The following PARN variants were observed in gnomAD, a reference collection of about 807,000 sequenced individuals.
The protein encoded by PARN is poly(A)-specific ribonuclease, also known as poly(A)-specific ribonuclease PARN.
In PARN, 71 loss-of-function variants were observed where a neutral mutation model predicts 102.8. That is an observed-to-expected ratio of 0.69 (90% confidence interval 0.57 to 0.84). The LOEUF (loss-of-function observed/expected upper bound fraction) is 0.84. Among genes scored for constraint, PARN ranks in the 40% least tolerant of loss-of-function variants. The pLI is 0.00. For synonymous variants in PARN, 261 were observed against 252.9 expected, an observed-to-expected ratio of 1.03 and a Z score of -0.30; for missense variants, 782 against 760.9, an observed-to-expected ratio of 1.03 and a Z score of -0.33.
intron 22 of PARN, among the ~76,000 whole-genome samples, chr16:14,477,941 A>C (rs1158148279): frequency 1.3e-5 from 2 of 152,340 alleles, no homozygotes; most frequent in Middle Eastern, 3.4e-3. Context: ...TTAAAAGGAT[A>C]ATACTTCATA....
intron 5 of PARN, among the ~76,000 whole-genome samples, chr16:14,625,606 G>C (rs1972598175): frequency 1.3e-5 from 2 of 152,168 alleles, no homozygotes; most frequent in East Asian, 3.8e-4. Context: ...ATGTCAACTG[G>C]TTTACTTGCT....
intron 5 of PARN, among the ~76,000 whole-genome samples, chr16:14,622,064 G>C (rs936635059): frequency 6.6e-6 from 1 of 151,920 alleles, no homozygotes; most frequent in East Asian, 1.9e-4. Flanking sequence ...ATGGTGGCAC[G>C]CATCTGTAGA....
In PARN at chr16:14,447,098, G is replaced by T; in HGVS notation, c.1671-17C>A. On this transcript the variant is annotated splice_polypyrimidine_tract_variant and intron_variant, in intron 22 of 23. Coordinates refer to ENST00000437198, the MANE Select transcript of PARN (RefSeq NM_002582.4). ...GCTGTAAAACTGAAATGCAAAAAGT[G>T]GAACAACATAAAAGGTGCTGAGAGT... is the stretch of plus-strand genomic sequence containing the variant. The T allele has an allele frequency of 6.3e-7, 1 of 1,591,612 alleles. No homozygotes were observed. The highest frequency in any genetic ancestry group is 8.6e-7 in the Non-Finnish European group (1 of 1,162,646).
chr16:14,481,604 C>G (rs1963384980), intron 22 of PARN, among the ~76,000 whole-genome samples: 3 of 152,098 alleles, frequency 2.0e-5, no homozygotes, highest in African/African-American at 4.8e-5. Flanking sequence ...CATTTATGAT[C>G]TCTGCATTTT....
intron 18 of PARN, among the ~76,000 whole-genome samples, chr16:14,566,630 C>T (rs1429622956): frequency 6.6e-6 from 1 of 152,200 alleles, no homozygotes; most frequent in Non-Finnish European, 1.5e-5. Context: ...ATCCAATACC[C>T]TACTACAGAG....
At chr16:14,583,535 T>C (rs139957947) in intron 16 of PARN, among the ~76,000 whole-genome samples, 4 of 152,240 alleles carry the variant, frequency 2.6e-5, no homozygotes, top group South Asian at 2.1e-4. Flanking sequence ...ATTTCCATTA[T>C]ATTGTTATAG....
intron 21 of PARN, among the ~76,000 whole-genome samples, chr16:14,546,627 T>G (rs1449856474): frequency 6.6e-6 from 1 of 152,172 alleles, no homozygotes; most frequent in Non-Finnish European, 1.5e-5. Context: ...AAAATTATAT[T>G]CAGAGACACA....
At chr16:14,496,876 T>C (rs1720247170) in intron 21 of PARN, among the ~76,000 whole-genome samples, 1 of 152,202 alleles carries the variant, frequency 6.6e-6, no homozygotes, top group South Asian at 2.1e-4. Context: ...ATTAATCTAT[T>C]TTCTTCCATC....
chr16:14,622,675 T>G (rs1972388621), intron 5 of PARN, among the ~76,000 whole-genome samples: 1 of 152,192 alleles, frequency 6.6e-6, no homozygotes, highest in South Asian at 2.1e-4. Flanking sequence ...TGGCTAATTT[T>G]TTTTGTATTT....
intron 18 of PARN, among the ~76,000 whole-genome samples, chr16:14,577,895 T>C (rs1401011638): frequency 6.7e-6 from 1 of 148,600 alleles, no homozygotes; most frequent in Non-Finnish European, 1.5e-5. Context: ...CTTGAACTCC[T>C]GACCTCAGGT....
intron 21 of PARN, among the ~76,000 whole-genome samples, chr16:14,536,003 G>A (rs989881899): frequency 1.3e-5 from 2 of 151,980 alleles, no homozygotes; most frequent in African/African-American, 2.4e-5. Context: ...AAATAAAAAA[G>A]CATATAATGC....
chr16:14,582,322 A>T, intron 16 of PARN, 31 bp from the exon 17 acceptor site: 1 of 1,431,322 alleles, frequency 7.0e-7, no homozygotes, highest in Non-Finnish European at 9.9e-7. Flanking sequence ...GTTTTCCTCA[A>T]AACAAAGACT....
At position 14,607,017 on chromosome 16, in the gene PARN, G is replaced by A. The variant is rs572977508; in HGVS notation, c.660-491C>T. On this transcript the variant is annotated intron_variant, in intron 9 of 23. Coordinates refer to ENST00000437198, the MANE Select transcript of PARN (RefSeq NM_002582.4). The stretch of plus-strand genomic sequence containing the variant: ...AGGATGGTCTCGATGTCCTGACCTC[G>A]TGATCCTCCCGCCTGGGCCTCCCAA... Among the ~76,000 whole-genome samples, 7 of 151,960 alleles carry A rather than the reference G, an allele frequency of 4.6e-5. No individual in the cohort carries two copies. In the South Asian group the frequency reaches 6.2e-4, roughly 14 times the overall value.
intron 17 of PARN, among the ~76,000 whole-genome samples, chr16:14,581,590 G>A (rs1969537022): frequency 6.6e-6 from 1 of 152,098 alleles, no homozygotes; most frequent in Non-Finnish European, 1.5e-5. Flanking sequence ...ACCTTTGGGA[G>A]GTAATTAAGT....
In PARN at chr16:14,459,992, T is replaced by C. The variant is rs562014479; in HGVS notation, c.1671-12911A>G. Among the ~76,000 whole-genome samples, 92 of 152,276 alleles carry C rather than the reference T, an allele frequency of 6.0e-4. 1 individual carries two copies. The highest frequency in any genetic ancestry group is 1.3e-4 in the Non-Finnish European group (9 of 68,014). On this transcript the variant is annotated intron_variant, in intron 22 of 23. Coordinates refer to ENST00000437198, the MANE Select transcript of PARN (RefSeq NM_002582.4). ...ACCGTATATAAAAATTAACTTGAAA[T>C]AGATCATATATCTAATATAAAACTG... is the stretch of plus-strand genomic sequence containing the variant.
intron 18 of PARN, chr16:14,558,270 T>A (rs1287447241): frequency 2.6e-5 from 4 of 151,968 alleles, no homozygotes; most frequent in Admixed American, 1.3e-4. Flanking sequence ...CTGTCTCTAC[T>A]AAAAATACAA....
intron 22 of PARN, among the ~76,000 whole-genome samples, chr16:14,461,974 T>A (rs944589039): frequency 2.0e-5 from 3 of 152,216 alleles, no homozygotes; most frequent in African/African-American, 7.2e-5. Flanking sequence ...TACACAGGGA[T>A]GAGTGGACTG....
intron 16 of PARN, 148 bp from the exon 17 acceptor site, chr16:14,582,439 C>A: frequency 3.2e-6 from 2 of 615,458 alleles, no homozygotes; most frequent in Non-Finnish European, 5.8e-6. Context: ...CTATATAAGA[C>A]CTTAAAATAC....
intron 21 of PARN, among the ~76,000 whole-genome samples, chr16:14,518,643 A>G (rs1319919337): frequency 6.6e-6 from 1 of 152,104 alleles, no homozygotes; most frequent in Non-Finnish European, 1.5e-5. Flanking sequence ...AAGAAAAACA[A>G]TGGAAGGATG....
Sources: allele counts gnomAD v4.1 joint callset (sites outside exome capture counted in the v4.1 genomes callset), GRCh38; gene constraint gnomAD v4.1.1; transcripts MANE v1.5; gene names NCBI Gene and HGNC (gene_info 2026-07-23, HGNC 2026-07-21).